The following ARHGEF28 variants were observed in gnomAD, a reference collection of about 807,000 sequenced individuals.
ARHGEF28 encodes 190 kDa guanine nucleotide exchange factor.
Under a neutral mutation model 206.6 loss-of-function variants are expected in ARHGEF28, and 152 were observed. The observed-to-expected ratio is 0.74, with a 90% CI of 0.64 to 0.84. ARHGEF28 has a LOEUF of 0.84. Ranked by LOEUF, ARHGEF28 falls within the 40% of genes least tolerant of loss-of-function variation. The pLI is 0.00. For missense variants in ARHGEF28, 2,028 were observed against 2,073.2 expected (o/e 0.98, Z 0.42); for synonymous variants, 763 against 776.4 (o/e 0.98, Z 0.29).
At chr5:73,849,727 T>A (rs1758583376) in intron 13 of ARHGEF28, among the ~76,000 whole-genome samples, 1 of 152,064 alleles carries the variant, frequency 6.6e-6, no homozygotes, top group African/African-American at 2.4e-5. Flanking sequence ...GGAAAAATTA[T>A]GTACAACTTA....
At chr5:73,708,873 T>A (rs1021371074) in intron 2 of ARHGEF28, among the ~76,000 whole-genome samples, 1 of 152,216 alleles carries the variant, frequency 6.6e-6, no homozygotes, top group African/African-American at 2.4e-5. Context: ...CCAGCATCTA[T>A]TATTTTTTGA....
intron 13 of ARHGEF28, among the ~76,000 whole-genome samples, chr5:73,849,532 G>A (rs1758571789): frequency 6.6e-6 from 1 of 151,998 alleles, no homozygotes; most frequent in African/African-American, 2.4e-5. Context: ...AGGGACTTTG[G>A]AGAGTTGAAA....
chr5:73,864,905 G>A lies in ARHGEF28; in HGVS notation c.2103+33G>A, dbSNP rs1014550. 977,795 of 1,594,878 alleles carry A rather than the reference G, an allele frequency of 0.61. 304,649 individuals carry two copies. Among genetic ancestry groups the A allele is most frequent in the African/African-American group, 0.93 (68,997 of 74,528 alleles). ...CTCAGTGATCTGTGAATATATATGT[G>A]GCATGGTTGCTTCATAGTATCTATT... On this transcript the variant is annotated intron_variant, in intron 17 of 35. Coordinates refer to ENST00000513042, the MANE Select transcript of ARHGEF28 (RefSeq NM_001177693.2).
chr5:73,876,711 G>A (rs1220688369), intron 22 of ARHGEF28, among the ~76,000 whole-genome samples: 2 of 151,024 alleles, frequency 1.3e-5, no homozygotes, highest in Middle Eastern at 3.4e-3. Context: ...CTGTTTATAT[G>A]CTGGATTACA....
intron 11 of ARHGEF28, 90 bp from the exon 12 acceptor site, chr5:73,846,178 G>T: frequency 1.6e-6 from 2 of 1,256,046 alleles, no homozygotes; most frequent in South Asian, 1.3e-5. Flanking sequence ...CCCCGCCCCA[G>T]TGAAAGAATC....
chr5:73,697,312 A>C (rs1157886452), intron 2 of ARHGEF28, among the ~76,000 whole-genome samples: 1 of 152,192 alleles, frequency 6.6e-6, no homozygotes, highest in Non-Finnish European at 1.5e-5. Flanking sequence ...ATCTCCCAGC[A>C]CTTATAGTTA....
chr5:73,846,214 G>T, intron 11 of ARHGEF28, 54 bp from the exon 12 acceptor site: 3 of 1,519,688 alleles, frequency 2.0e-6, no homozygotes, highest in Non-Finnish European at 2.7e-6. Context: ...AGAAACCAAT[G>T]ACGCTCTGTG....
In ARHGEF28 at chr5:73,842,272, T is replaced by G. The variant is rs188555086; in HGVS notation, c.1427+1512T>G. On this transcript the variant is annotated intron_variant, in intron 11 of 35. Transcript: ENST00000513042. Reference sequence around the variant, plus strand: ...TGAACATAAAATGCACACACATATGTGACTATGTATATAAATATTTCTCTG... The same window carrying G: ...TGAACATAAAATGCACACACATATGGGACTATGTATATAAATATTTCTCTG... Among the ~76,000 whole-genome samples, 330 of 152,322 alleles carry G rather than the reference T, an allele frequency of 2.2e-3. 4 individuals are homozygous for G. Among genetic ancestry groups the G allele is most frequent in the Non-Finnish European group, 9.4e-4 (64 of 68,028 alleles).
In ARHGEF28 at chr5:73,669,518, CAT is replaced by C. The variant is rs1183291626; in HGVS notation, c.-11-15322_-11-15321del. On this transcript the variant is annotated intron_variant, in intron 1 of 35. Coordinates refer to ENST00000513042, the MANE Select transcript of ARHGEF28 (RefSeq NM_001177693.2). ...ATAACAACCAATCTAGACATTGACACATGTTATCAATTGTAAGAAACAATAGA... is the reference window on the plus strand; with the variant it reads ...ATAACAACCAATCTAGACATTGACACGTTATCAATTGTAAGAAACAATAGA... Among the ~76,000 whole-genome samples, 6 of 152,274 alleles carry C rather than the reference CAT, an allele frequency of 3.9e-5. No individual in the cohort carries two copies. In the South Asian group the frequency reaches 1.0e-3, roughly 26 times the overall value.
At chr5:73,647,402 CA>C (rs1744500556) in intron 1 of ARHGEF28, among the ~76,000 whole-genome samples, 1 of 152,182 alleles carries the variant, frequency 6.6e-6, no homozygotes, top group Non-Finnish European at 1.5e-5. Flanking sequence ...AAGGAATACT[CA>C]ATCTGTGTTA....
intron 1 of ARHGEF28, among the ~76,000 whole-genome samples, chr5:73,653,812 C>G (rs1440976553): frequency 6.6e-6 from 1 of 152,200 alleles, no homozygotes; most frequent in Non-Finnish European, 1.5e-5. Context: ...GTTTGGCATT[C>G]CTGCCCTCTG....
chr5:73,660,927 A>G (rs1745558415), intron 1 of ARHGEF28, among the ~76,000 whole-genome samples: 1 of 152,172 alleles, frequency 6.6e-6, no homozygotes, highest in Non-Finnish European at 1.5e-5. Context: ...GGACTTTTGG[A>G]ATGGTAAATG....
chr5:73,656,897 G>A (rs931420044), intron 1 of ARHGEF28, among the ~76,000 whole-genome samples: 5 of 152,070 alleles, frequency 3.3e-5, no homozygotes, highest in Admixed American at 1.3e-4. Flanking sequence ...GAGGCTGGGC[G>A]CGGTGGCTCA....
At chr5:73,716,739 G>T (rs970318290) in intron 2 of ARHGEF28, among the ~76,000 whole-genome samples, 4 of 152,172 alleles carry the variant, frequency 2.6e-5, no homozygotes, top group Admixed American at 2.6e-4. Flanking sequence ...GCTCAATGAT[G>T]AAGGCAATTT....
At chr5:73,648,546 C>G (rs1744589291) in intron 1 of ARHGEF28, among the ~76,000 whole-genome samples, 1 of 152,218 alleles carries the variant, frequency 6.6e-6, no homozygotes, top group Non-Finnish European at 1.5e-5. Context: ...TTAAATGAAT[C>G]ATGAATGCAG....
chr5:73,858,113 A>C lies in ARHGEF28; in HGVS notation c.1941A>C (p.Lys647Asn), dbSNP rs369448123. ...SKTKSKDAKD[K>N]EKLNRHQFAP... Reference sequence around the variant, plus strand: ...CAAAAAGCAAGGATGCCAAAGATAAAGAGAAGCTGAATCGACATCAGTTTG... The same window carrying C: ...CAAAAAGCAAGGATGCCAAAGATAACGAGAAGCTGAATCGACATCAGTTTG... Residue 647 changes from lysine (K) to asparagine (N), a missense_variant, in exon 16 of 36, where the codon AAA (lysine) becomes AAC (asparagine). By Grantham distance (94) the Lys-to-Asn change is moderately conservative (BLOSUM62 0). Coordinates refer to ENST00000513042, the MANE Select transcript of ARHGEF28 (RefSeq NM_001177693.2). 1 of 1,610,944 alleles carries C rather than the reference A, an allele frequency of 6.2e-7. No homozygotes were observed. Among genetic ancestry groups the C allele is most frequent in the Non-Finnish European group, 8.5e-7 (1 of 1,179,012 alleles).
chr5:73,764,529 G>C (rs1029471944), intron 4 of ARHGEF28, among the ~76,000 whole-genome samples: 1 of 152,214 alleles, frequency 6.6e-6, no homozygotes, highest in African/African-American at 2.4e-5. Flanking sequence ...GAATGAATGT[G>C]TGTGTGATGG....
chr5:73,708,239 G>A (rs1388343348), intron 2 of ARHGEF28, among the ~76,000 whole-genome samples: 1 of 151,684 alleles, frequency 6.6e-6, no homozygotes, highest in African/African-American at 2.4e-5. Context: ...TATATATGCA[G>A]GTTTGTTACA....
chr5:73,703,917 G>A (rs1461426718), intron 2 of ARHGEF28, among the ~76,000 whole-genome samples: 1 of 151,836 alleles, frequency 6.6e-6, no homozygotes, highest in Non-Finnish European at 1.5e-5. Context: ...CCAGCTATTT[G>A]GGAGGATGAG....
Sources: allele counts gnomAD v4.1 joint callset (sites outside exome capture counted in the v4.1 genomes callset), GRCh38; gene constraint gnomAD v4.1.1; transcripts MANE v1.5; gene names NCBI Gene and HGNC (gene_info 2026-07-23, HGNC 2026-07-21).